ESYT1: variants seen among roughly 807,000 people sequenced by gnomAD.
ESYT1 encodes the protein extended synaptotagmin 1.
A neutral mutation model predicts 154.2 loss-of-function variants in ESYT1; 116 were observed. The ratio of observed to expected loss-of-function variants is 0.75; its 90% CI spans 0.65 to 0.88. The LOEUF is 0.88. Ranked by LOEUF, ESYT1 falls within the 40% of genes least tolerant of loss-of-function variation. The pLI is 0.00. For synonymous variants in ESYT1, 500 were observed against 539.9 expected (o/e 0.93, Z 1.02); for missense variants, 1,264 against 1,379.3 (o/e 0.92, Z 1.32).
In ESYT1 at chr12:56,137,273, G is replaced by A. The variant is rs371463936; in HGVS notation, c.1838G>A (p.Gly613Asp). Residue 613 changes from glycine to aspartate, a missense_variant, in exon 17 of 31, where the codon GGT becomes GAT. Physicochemically the swap from Gly to Asp is moderately conservative, Grantham distance 94. Coordinates refer to ENST00000394048, the MANE Select transcript of ESYT1 (RefSeq NM_015292.3). Reference sequence around the variant, plus strand: ...TTCCCCACGGTGCCTGGTTGTCCTGGTGCTTGGGACGTGGACAGTGAGAAT... The same window carrying A: ...TTCCCCACGGTGCCTGGTTGTCCTGATGCTTGGGACGTGGACAGTGAGAAT... ...ICFPTVPGCPGAWDVDSENPQ... is the reference protein window; with the variant it reads ...ICFPTVPGCPDAWDVDSENPQ... 5.0e-6 allele frequency: 8 copies of A among 1,614,086 alleles called. No individual in the cohort carries two copies. In the African/African-American group the frequency reaches 9.3e-5, roughly 19 times the overall value.
At position 56,144,038 on chromosome 12, in the gene ESYT1, T is replaced by G. The variant is rs546719552; in HGVS notation, c.*176T>G. The stretch of plus-strand genomic sequence containing the variant: ...CCTGACCAAAGAGAAGAACCGTATG[T>G]TCCCTTTACTGCACGGCCTTTATCC... On this transcript the variant is annotated 3_prime_UTR_variant, in exon 31 of 31. Coordinates refer to ENST00000394048, the MANE Select transcript of ESYT1 (RefSeq NM_015292.3). 1.4e-4 allele frequency: 203 copies of G among 1,461,614 alleles called. 1 individual carries two copies. The highest frequency in any genetic ancestry group is 1.8e-4 in the Non-Finnish European group (199 of 1,111,756). The allele number at this position is 1,461,614 out of a possible 1,614,324, so 90.5% of individuals were successfully genotyped here. A position where few individuals can be genotyped will look rare whatever the true frequency, so the allele number is the denominator to read the frequency against.
At position 56,142,712 on chromosome 12, in the gene ESYT1, G is replaced by A. The variant is rs775464568; in HGVS notation, c.2868G>A (p.Gln956=). Residue 956 remains glutamine (Q), a synonymous_variant, in exon 26 of 31, where the codon CAG becomes CAA. Coordinates refer to ENST00000394048, the MANE Select transcript of ESYT1 (RefSeq NM_015292.3). This position sits in a 1 kb window ranked among gnomAD's most constrained non-coding sequence, Gnocchi z 4.1. ...CCTCCTCAGCCCCAGAGCTCCGGCA[G>A]CGCCTAACACATGTTGACAGGTAAA... The part of the protein sequence containing the change: ...HITSSAPELR[Q]RLTHVDSPLE... The A allele has an allele frequency of 5.0e-6, 8 of 1,613,814 alleles. No homozygotes were observed. In the Admixed American group the frequency reaches 1.3e-4, roughly 27 times the overall value.
intron 9 of ESYT1, 45 bp downstream of exon 9, chr12:56,132,642 G>A: frequency 6.2e-7 from 1 of 1,613,990 alleles, no homozygotes; most frequent in Non-Finnish European, 8.5e-7. Flanking sequence ...GCCCCAGGAG[G>A]TTGTGAGAGA....
chr12:56,140,789 TAGAGC>T (rs2136884173), intron 24 of ESYT1, among the ~76,000 whole-genome samples: 1 of 152,248 alleles, frequency 6.6e-6, no homozygotes, highest in South Asian at 2.1e-4. Context: ...AGGAGACTGT[TAGAGC>T]AGTCAAAGCA....
chr12:56,131,163 A>G (rs1413759004), intron 4 of ESYT1, 50 bp downstream of exon 4: 6 of 1,612,926 alleles, frequency 3.7e-6, no homozygotes, highest in Non-Finnish European at 4.2e-6. Flanking sequence ...TGTCCTGTTC[A>G]GTCCAGGCTA....
Position 56,142,464 on chromosome 12 carries a change from AG to A in ESYT1, c.2733+43del. On this transcript the variant is annotated intron_variant, in intron 25 of 30. Coordinates refer to ENST00000394048, the MANE Select transcript of ESYT1 (RefSeq NM_015292.3). The surrounding 1 kb of genome is among the most constrained non-coding windows in gnomAD (Gnocchi z 4.1). ...GATGGTGGGCAGGATGAGAGGGAGG[AG>A]GGGAGGGCCTTCACAGGTGAGGGAC... 6.2e-7 allele frequency: 1 copy of A among 1,606,940 alleles called. No homozygotes were observed. Among genetic ancestry groups the A allele is most frequent in the Non-Finnish European group, 8.5e-7 (1 of 1,174,918 alleles).
intron 8 of ESYT1, 40 bp from the exon 9 acceptor site, chr12:56,132,381 C>T (rs1017617220): frequency 6.2e-7 from 1 of 1,614,048 alleles, no homozygotes; most frequent in Non-Finnish European, 8.5e-7. Flanking sequence ...GAACCCCTTG[C>T]TGGGTCCTTA....
At position 56,142,284 on chromosome 12, in the gene ESYT1, G is replaced by C; in HGVS notation, c.2593-1G>C. On this transcript the variant is annotated splice_acceptor_variant, in intron 24 of 30. Transcript: ENST00000394048. LOFTEE classifies it high-confidence loss of function. The surrounding 1 kb of genome is among the most constrained non-coding windows in gnomAD (Gnocchi z 4.1). ...TTGATCATGGTCCTGTTGCCCCACA[G>C]GTTCGGGGTGAGGGCACTGGCGTGC... 6.2e-7 allele frequency: 1 copy of C among 1,613,890 alleles called. No homozygotes were observed. The highest frequency in any genetic ancestry group is 1.3e-5 in the African/African-American group (1 of 75,032).
At chr12:56,139,743 G>A (rs768533947) in intron 24 of ESYT1, among the ~76,000 whole-genome samples, 14 of 151,420 alleles carry the variant, frequency 9.2e-5, no homozygotes, top group Admixed American at 1.3e-4. Flanking sequence ...TTACATGCGC[G>A]TGCCACCATA....
At position 56,138,245 on chromosome 12, in the gene ESYT1, C is replaced by G; in HGVS notation, c.2310C>G (p.Pro770=). The change falls in exon 21 of 31, where the codon CCC becomes CCG. Residue 770 remains proline, a synonymous_variant. Transcript: ENST00000394048. ...RLHLRLERLT[P]RPTAAELEEV... is the part of the protein sequence containing the mutation. Reference sequence around the variant, plus strand: ...ACTTGCGCCTGGAGCGTCTCACCCCCCGTCCCACTGCTGCTGAGTTAGAGG... The same window carrying G: ...ACTTGCGCCTGGAGCGTCTCACCCCGCGTCCCACTGCTGCTGAGTTAGAGG... The G allele has an allele frequency of 6.2e-7, 1 of 1,614,228 alleles. No individual in the cohort carries two copies. The highest frequency in any genetic ancestry group is 8.5e-7 in the Non-Finnish European group (1 of 1,180,040).
chr12:56,131,205 G>C, intron 4 of ESYT1, 39 bp from the exon 5 acceptor site: 1 of 1,613,888 alleles, frequency 6.2e-7, no homozygotes, highest in Non-Finnish European at 8.5e-7. Flanking sequence ...CTTCAGCCAA[G>C]GACTAACTCT....
intron 16 of ESYT1, 146 bp from the exon 17 acceptor site, chr12:56,137,072 G>A: frequency 7.8e-7 from 1 of 1,280,790 alleles, no homozygotes; most frequent in Non-Finnish European, 1.1e-6. Flanking sequence ...AGTTGAGGGG[G>A]TGTGGAGGGA....
intron 7 of ESYT1, 138 bp downstream of exon 7, chr12:56,131,942 GC>G: frequency 9.6e-7 from 1 of 1,039,246 alleles, no homozygotes; most frequent in South Asian, 1.4e-5. Flanking sequence ...AAATACCCCT[GC>G]AAAGTTTGAT....
chr12:56,131,386 T>TGAGGTTGGAAAGACC (rs1870229006), intron 5 of ESYT1, 70 bp downstream of exon 5: 8 of 1,609,278 alleles, frequency 5.0e-6, no homozygotes, highest in Non-Finnish European at 6.8e-6. Context: ...TGGGGAAGTG[T>TGAGGTTGGAAAGACC]GAGGTTGGAA....
chr12:56,144,224 T>A lies in ESYT1; in HGVS notation c.*362T>A. 1.8e-6 allele frequency: 2 copies of A among 1,126,890 alleles called. No homozygotes were observed. The highest frequency in any genetic ancestry group is 1.1e-6 in the Non-Finnish European group (1 of 916,722). 69.8% of individuals were successfully genotyped at this position (1,126,890 alleles called of 1,614,324 possible). ...TATGCCAAATACAGCTTTGGAAGGA[T>A]CTTTTTTTCTTTAACTAGATGGTCA... On this transcript the variant is annotated 3_prime_UTR_variant, in exon 31 of 31. Coordinates refer to ENST00000394048, the MANE Select transcript of ESYT1 (RefSeq NM_015292.3).
rs1262046745 is a variant in ESYT1, at chr12:56,144,513, G to A, written c.*651G>A. On this transcript the variant is annotated 3_prime_UTR_variant, in exon 31 of 31. Transcript: ENST00000394048. ...ATCAGTCTTGGAGCTCCTAGCTGGT[G>A]ATACGGAGAGGGCTTTGGAGGACTT... The A allele has an allele frequency of 2.0e-6, 2 of 985,752 alleles. No individual in the cohort carries two copies. Among genetic ancestry groups the A allele is most frequent in the Non-Finnish European group, 2.4e-6 (2 of 830,280 alleles). The allele number at this position is 985,752 out of a possible 1,614,324, so 61.1% of individuals were successfully genotyped here. A position where few individuals can be genotyped will look rare whatever the true frequency, so the allele number is the denominator to read the frequency against.
At chr12:56,128,761 C>G in intron 1 of ESYT1, 52 bp downstream of exon 1, 1 of 1,601,052 alleles carries the variant, frequency 6.2e-7, no homozygotes, top group Non-Finnish European at 8.5e-7. Flanking sequence ...TCCACCCCTT[C>G]CATCTGGGGC....
Position 56,144,386 on chromosome 12 carries a change from C to T in ESYT1, c.*524C>T, listed in dbSNP as rs1182760306. 1 of 991,064 alleles carries T rather than the reference C, an allele frequency of 1.0e-6. No individual in the cohort carries two copies. Among genetic ancestry groups the T allele is most frequent in the African/African-American group, 1.7e-5 (1 of 57,392 alleles). 61.4% of individuals were successfully genotyped at this position (991,064 alleles called of 1,614,324 possible). The stretch of plus-strand genomic sequence containing the variant: ...CAGTTCTGTCCCCACTGTCCTCAAC[C>T]CTGTCCTGAAAATTCTACTGCTTTG... On this transcript the variant is annotated 3_prime_UTR_variant, in exon 31 of 31. Transcript: ENST00000394048.
At chr12:56,135,930 A>G (rs1297013670) in intron 15 of ESYT1, among the ~76,000 whole-genome samples, 3 of 150,894 alleles carry the variant, frequency 2.0e-5, no homozygotes, top group African/African-American at 4.9e-5. Context: ...GTGTGGTGGC[A>G]TGTGTCAGTA....
Sources: allele counts gnomAD v4.1 joint callset (sites outside exome capture counted in the v4.1 genomes callset), GRCh38; gene constraint gnomAD v4.1.1; non-coding constraint Gnocchi (gnomAD v3.1); transcripts MANE v1.5; gene names NCBI Gene and HGNC (gene_info 2026-07-23, HGNC 2026-07-21).